The following SLC25A48 variants were observed in gnomAD, a reference collection of about 807,000 sequenced individuals.
SLC25A48 encodes the protein solute carrier family 25 member 48, also known as CTC-321K16.1.
In SLC25A48, 29 loss-of-function variants were observed where a neutral mutation model predicts 32.2. That is an observed-to-expected ratio of 0.90 (90% CI 0.67 to 1.23). The LOEUF (loss-of-function observed/expected upper bound fraction) is 1.23, where lower values mean the gene tolerates loss of function less well. Ranked by LOEUF, SLC25A48 falls within the 50% of genes most tolerant of loss-of-function variation. The probability of loss-of-function intolerance (pLI) is 0.00; values close to 1 mark genes in which losing one functional copy is unlikely to be tolerated. For missense variants in SLC25A48, 399 were observed against 422.7 expected (o/e 0.94, Z 0.49); for synonymous variants, 164 against 172.3 (o/e 0.95, Z 0.38).
intron 3 of SLC25A48, among the ~76,000 whole-genome samples, chr5:135,789,067 G>A (rs1462410620): frequency 1.3e-5 from 2 of 150,562 alleles, no homozygotes; most frequent in Admixed American, 6.6e-5. Flanking sequence ...CATATGGTCT[G>A]TAATATCCGA....
At position 135,844,105 on chromosome 5, in the gene SLC25A48, T is replaced by C. The variant is rs1352567909; in HGVS notation, c.90+1646T>C. On this transcript the variant is annotated intron_variant, in intron 2 of 7. Transcript: ENST00000681962. ...TCTGTGGTAGCTGCCCACTGAGCCCTCTCCACCCTCCATGAGAGCTGGCTA... is the reference window on the plus strand; with the variant it reads ...TCTGTGGTAGCTGCCCACTGAGCCCCCTCCACCCTCCATGAGAGCTGGCTA... Among the ~76,000 whole-genome samples, 4 of 152,140 alleles carry C rather than the reference T, an allele frequency of 2.6e-5. No homozygotes were observed. The East Asian group carries it at 5.8e-4, about 22-fold the overall frequency.
At chr5:135,762,712 C>T (rs184973133) in intron 3 of SLC25A48, among the ~76,000 whole-genome samples, 341 of 151,780 alleles carry the variant, frequency 2.2e-3, no homozygotes, top group African/African-American at 7.6e-3. Context: ...TGAGTGTGTG[C>T]GTGTGTAAGT....
chr5:135,796,673 G>A (rs1357569325), intron 3 of SLC25A48, among the ~76,000 whole-genome samples: 4 of 148,480 alleles, frequency 2.7e-5, no homozygotes, highest in African/African-American at 1.0e-4. Context: ...TATCCCGGGG[G>A]GTGTACATTT....
chr5:135,727,023 T>A (rs1755105735), intron 3 of SLC25A48, among the ~76,000 whole-genome samples: 1 of 152,192 alleles, frequency 6.6e-6, no homozygotes, highest in Non-Finnish European at 1.5e-5. Context: ...TATCTCTTTG[T>A]GATTTTAATT....
chr5:135,657,943 A>G (rs1753295324), intron 3 of SLC25A48, among the ~76,000 whole-genome samples: 1 of 152,162 alleles, frequency 6.6e-6, no homozygotes, highest in Non-Finnish European at 1.5e-5. Context: ...CACTCCCACC[A>G]GGTCCCTCCC....
intron 3 of SLC25A48, among the ~76,000 whole-genome samples, chr5:135,695,765 G>A (rs1303974704): frequency 6.6e-6 from 1 of 152,176 alleles, no homozygotes; most frequent in Non-Finnish European, 1.5e-5. Context: ...CTGGCCACAT[G>A]TTTTTGCTCC....
At chr5:135,676,278 C>G (rs1185099024) in intron 3 of SLC25A48, among the ~76,000 whole-genome samples, 1 of 151,706 alleles carries the variant, frequency 6.6e-6, no homozygotes. Context: ...TGTATAGTTG[C>G]TTTAATAGTC....
intron 3 of SLC25A48, among the ~76,000 whole-genome samples, chr5:135,731,390 G>C (rs749407571): frequency 2.0e-5 from 3 of 152,212 alleles, no homozygotes; most frequent in Non-Finnish European, 4.4e-5. Context: ...TGACATTCCT[G>C]TCTTCTTATA....
At chr5:135,846,513 C>CAGCTCTG (rs931730774) in intron 2 of SLC25A48, among the ~76,000 whole-genome samples, 1 of 152,198 alleles carries the variant, frequency 6.6e-6, no homozygotes, top group Non-Finnish European at 1.5e-5. Context: ...GGCAGTGGCT[C>CAGCTCTG]AGCTCTGAGC....
At chr5:135,884,231 ATC>A (rs1207490204) in intron 7 of SLC25A48, among the ~76,000 whole-genome samples, 1 of 152,006 alleles carries the variant, frequency 6.6e-6, no homozygotes, top group Non-Finnish European at 1.5e-5. Flanking sequence ...TCTCTGAAAA[ATC>A]TCTGTCTTAA....
At chr5:135,857,628 A>G (rs1760441583) in intron 4 of SLC25A48, among the ~76,000 whole-genome samples, 2 of 152,332 alleles carry the variant, frequency 1.3e-5, no homozygotes. Context: ...TCTCTGTTAC[A>G]GTGTGGCATC....
chr5:135,594,557 C>G (rs563667186), intron 1 of SLC25A48, among the ~76,000 whole-genome samples: 1 of 152,344 alleles, frequency 6.6e-6, no homozygotes, highest in East Asian at 1.9e-4. Flanking sequence ...TTGCATCAGA[C>G]TTACCCCAGT....
intron 3 of SLC25A48, among the ~76,000 whole-genome samples, chr5:135,666,876 G>C (rs1351288680): frequency 6.6e-6 from 1 of 152,080 alleles, no homozygotes; most frequent in Non-Finnish European, 1.5e-5. Context: ...AGATTCAATG[G>C]GAACAATGCC....
chr5:135,585,050 T>G (rs1170840213), intron 1 of SLC25A48, among the ~76,000 whole-genome samples: 1 of 152,226 alleles, frequency 6.6e-6, no homozygotes, highest in Non-Finnish European at 1.5e-5. Flanking sequence ...CGATGGGCGA[T>G]GAGCACCTGT....
At chr5:135,772,525 C>T (rs1173985832) in intron 3 of SLC25A48, among the ~76,000 whole-genome samples, 3 of 151,432 alleles carry the variant, frequency 2.0e-5, no homozygotes, top group Non-Finnish European at 4.4e-5. Context: ...AGCGAGTGTA[C>T]GCCCCCTATG....
At chr5:135,653,483 G>T (rs2126927739) in intron 3 of SLC25A48, among the ~76,000 whole-genome samples, 1 of 152,330 alleles carries the variant, frequency 6.6e-6, no homozygotes, top group African/African-American at 2.4e-5. Context: ...ACTCTACCAG[G>T]TAAAGACCCC....
At chr5:135,661,173 C>G (rs1471087348) in intron 3 of SLC25A48, among the ~76,000 whole-genome samples, 1 of 152,244 alleles carries the variant, frequency 6.6e-6, no homozygotes, top group African/African-American at 2.4e-5. Flanking sequence ...CCCTAGCTCC[C>G]TCACCAGCTT....
rs780338645 is a variant in SLC25A48, at chr5:135,779,657, T to A, written c.-520-32866T>A. Among the ~76,000 whole-genome samples the A allele has an allele frequency of 3.4e-5, 4 of 117,560 alleles. 1 individual carries two copies. Among genetic ancestry groups the A allele is most frequent in the African/African-American group, 7.8e-5 (3 of 38,608 alleles). The allele number at this position is 117,560 out of a possible 152,430, so 77.1% of individuals were successfully genotyped here. On this transcript the variant is annotated intron_variant, in intron 3 of 10. Transcript: ENST00000646290. Reference sequence around the variant, plus strand: ...GTGGAGAGGATGATATTACTCCCAATATCGAAGGGGATGTACAACCACCCG... The same window carrying A: ...GTGGAGAGGATGATATTACTCCCAAAATCGAAGGGGATGTACAACCACCCG...
At chr5:135,697,707 G>A (rs4976305) in intron 3 of SLC25A48, among the ~76,000 whole-genome samples, 123,718 of 152,106 alleles carry the variant, frequency 0.81, 50,524 homozygotes, top group Middle Eastern at 0.89. Context: ...GTTGCAGGCA[G>A]GTGCTTCCTG....
Sources: gnomAD v4.1 joint callset for allele counts (sites outside exome capture counted in the v4.1 genomes callset) on GRCh38, gnomAD v4.1.1 for gene constraint, MANE v1.5 for transcripts, NCBI Gene and HGNC (gene_info 2026-07-23, HGNC 2026-07-21) for gene names.